The following DSCAM variants were observed in gnomAD, a reference collection of about 807,000 sequenced individuals.
The protein encoded by DSCAM is cell adhesion molecule DSCAM.
DSCAM carries 47 observed loss-of-function variants against 217.7 expected under a neutral mutation model. The ratio of observed to expected loss-of-function variants is 0.22; its 90% confidence interval spans 0.17 to 0.28. The LOEUF (loss-of-function observed/expected upper bound fraction) is 0.28, where lower values mean the gene tolerates loss of function less well. Ranked by LOEUF, DSCAM falls within the 10% of genes least tolerant of loss-of-function variation. The pLI is 1.00. For missense variants in DSCAM, 2,080 were observed against 2,618.3 expected, an observed-to-expected ratio of 0.79 and a Z score of 4.49; for synonymous variants, 1,056 against 1,015.3, an observed-to-expected ratio of 1.04 and a Z score of -0.76.
chr21:40,067,718 C>T (rs1204636757), intron 27 of DSCAM, among the ~76,000 whole-genome samples: 1 of 61,980 alleles, frequency 1.6e-5, no homozygotes, highest in African/African-American at 8.6e-5. Flanking sequence ...CCCCTCCCCT[C>T]CCCTCATTCC....
At chr21:40,558,425 G>A (rs539083481) in intron 3 of DSCAM, among the ~76,000 whole-genome samples, 111 of 150,874 alleles carry the variant, frequency 7.4e-4, no homozygotes, top group Non-Finnish European at 1.3e-3. Context: ...TCCAGCCTGG[G>A]CGACAGAGCA....
intron 18 of DSCAM, 127 bp downstream of exon 18, chr21:40,142,431 G>T: frequency 1.0e-6 from 1 of 1,003,008 alleles, no homozygotes; most frequent in African/African-American, 1.6e-5. Flanking sequence ...CAGAAAAGGG[G>T]AAAGTGTCTA....
At position 40,846,662 on chromosome 21, in the gene DSCAM, GCCCCTGCCGCT is replaced by G; in HGVS notation, c.-12_-2del. On this transcript the variant is annotated 5_prime_UTR_variant, in exon 1 of 33. Coordinates refer to ENST00000400454, the MANE Select transcript of DSCAM (RefSeq NM_001389.5). The stretch of plus-strand genomic sequence containing the variant: ...ACAAGGAGAGAGCCAGTATCCACAT[GCCCCTGCCGCT>G]CCCCGGCCTCCCGCGAGCGACGCGC... The G allele has an allele frequency of 8.2e-7, 1 of 1,217,496 alleles. No individual in the cohort carries two copies. Among genetic ancestry groups the G allele is most frequent in the Non-Finnish European group, 1.0e-6 (1 of 967,820 alleles). The allele number at this position is 1,217,496 out of a possible 1,614,324, so 75.4% of individuals were successfully genotyped here.
chr21:40,242,684 T>A (rs2024251298), intron 11 of DSCAM, among the ~76,000 whole-genome samples: 2 of 152,222 alleles, frequency 1.3e-5, no homozygotes, highest in African/African-American at 4.8e-5. Context: ...TTATTGACAC[T>A]GTGACATGCA....
chr21:40,093,804 T>C lies in DSCAM; in HGVS notation c.3767A>G (p.Gln1256Arg). Residue 1256 changes from glutamine to arginine, a missense_variant, in exon 21 of 33, where the codon CAG becomes CGG. Around this residue, in one of 5 missense-constraint regions of DSCAM, gnomAD observed 1,144 missense variants for 1,421.1 expected, o/e 0.81. Coordinates refer to ENST00000400454, the MANE Select transcript of DSCAM (RefSeq NM_001389.5). The part of the protein sequence containing the change: ...YRIPNLSRNR[Q>R]YSVWVVAVTS... The stretch of plus-strand genomic sequence containing the variant: ...AACAGCCACCACCCAGACGCTGTAC[T>C]GACGATTCCTACTCAGGTTGGGAAT... 1 of 1,614,048 alleles carries C rather than the reference T, an allele frequency of 6.2e-7. No individual in the cohort carries two copies. Among genetic ancestry groups the C allele is most frequent in the Non-Finnish European group, 8.5e-7 (1 of 1,180,008 alleles).
chr21:40,454,539 A>T (rs1244387720), intron 3 of DSCAM, among the ~76,000 whole-genome samples: 1 of 152,216 alleles, frequency 6.6e-6, no homozygotes, highest in African/African-American at 2.4e-5. Flanking sequence ...ATCCTTCTAG[A>T]ATGAAGAGGA....
chr21:40,276,049 G>C (rs757269507), intron 11 of DSCAM, 48 bp downstream of exon 11: 5 of 1,479,382 alleles, frequency 3.4e-6, no homozygotes, highest in Non-Finnish European at 3.6e-6. Flanking sequence ...AGCCCCCAGA[G>C]ACCTATGTAT....
intron 1 of DSCAM, among the ~76,000 whole-genome samples, chr21:40,832,244 A>T (rs190518610): frequency 6.6e-6 from 1 of 152,330 alleles, no homozygotes; most frequent in Admixed American, 6.5e-5. Context: ...TCTAGTAATA[A>T]ATCATAAATT....
intron 3 of DSCAM, among the ~76,000 whole-genome samples, chr21:40,594,445 A>G (rs1329562524): frequency 6.6e-6 from 1 of 152,214 alleles, no homozygotes; most frequent in Non-Finnish European, 1.5e-5. Flanking sequence ...CTTGGGCAAG[A>G]TACTTGTATT....
rs191245477 is a variant in DSCAM, at chr21:40,460,482, C to T, written c.509-91237G>A. Among the ~76,000 whole-genome samples, 4 of 152,092 alleles carry T rather than the reference C, an allele frequency of 2.6e-5. No individual in the cohort carries two copies. The East Asian group carries it at 7.7e-4, about 29-fold the overall frequency. On this transcript the variant is annotated intron_variant, in intron 3 of 32. Coordinates refer to ENST00000400454, the MANE Select transcript of DSCAM (RefSeq NM_001389.5). ...TATGATTCCATAAACAACTTAGAAA[C>T]TTAACCACATAAAAAATAATTATTT...
chr21:40,354,164 G>C (rs1292595535), intron 4 of DSCAM, among the ~76,000 whole-genome samples: 1 of 152,108 alleles, frequency 6.6e-6, no homozygotes, highest in Non-Finnish European at 1.5e-5. Context: ...AATGACTATG[G>C]TTTGCAATTA....
intron 1 of DSCAM, among the ~76,000 whole-genome samples, chr21:40,815,140 G>A (rs746058904): frequency 3.3e-5 from 5 of 152,090 alleles, no homozygotes; most frequent in African/African-American, 9.7e-5. Context: ...CAACCTTCAG[G>A]TCATTGCCAT....
At chr21:40,230,122 T>C (rs572046616) in intron 11 of DSCAM, among the ~76,000 whole-genome samples, 196 of 152,374 alleles carry the variant, frequency 1.3e-3, no homozygotes, top group African/African-American at 4.5e-3. Context: ...CTTGTCATCA[T>C]ATGTTCATAA....
intron 16 of DSCAM, among the ~76,000 whole-genome samples, chr21:40,161,173 G>A (rs74633220): frequency 0.013 from 1,980 of 152,206 alleles, 40 homozygotes; most frequent in African/African-American, 0.046. Context: ...GAGACCTGCC[G>A]GACCCTTTGT....
chr21:40,244,978 A>G (rs948898199), intron 11 of DSCAM, among the ~76,000 whole-genome samples: 1 of 149,932 alleles, frequency 6.7e-6, no homozygotes, highest in Non-Finnish European at 1.5e-5. Flanking sequence ...GGCACTGGGA[A>G]TCTACAGGAA....
chr21:40,287,038 G>A (rs2073836401), intron 10 of DSCAM, among the ~76,000 whole-genome samples: 1 of 151,756 alleles, frequency 6.6e-6, no homozygotes, highest in Non-Finnish European at 1.5e-5. Context: ...GATCTGCAGT[G>A]TGATCACAGT....
intron 2 of DSCAM, among the ~76,000 whole-genome samples, chr21:40,703,217 C>CAT (rs1220241843): frequency 1.3e-5 from 2 of 152,108 alleles, no homozygotes; most frequent in African/African-American, 4.8e-5. Context: ...AGAAAGCCTT[C>CAT]ATCTCACCAT....
chr21:40,357,245 C>T lies in DSCAM; in HGVS notation c.656-3502G>A, dbSNP rs527633734. On this transcript the variant is annotated intron_variant, in intron 4 of 32. Coordinates refer to ENST00000400454, the MANE Select transcript of DSCAM (RefSeq NM_001389.5). The stretch of plus-strand genomic sequence containing the variant: ...ACCTGCTTCTAAAGGAAATTACAAA[C>T]GGACTTTGAAAAGTATTGGTTTGAA... Among the ~76,000 whole-genome samples, 506 of 152,258 alleles carry T rather than the reference C, an allele frequency of 3.3e-3. 2 individuals are homozygous for T. The highest frequency in any genetic ancestry group is 0.011 in the African/African-American group (447 of 41,544).
intron 16 of DSCAM, among the ~76,000 whole-genome samples, chr21:40,154,967 T>C (rs1238880257): frequency 6.6e-6 from 1 of 152,136 alleles, no homozygotes; most frequent in Non-Finnish European, 1.5e-5. Flanking sequence ...ATGCTAGAAA[T>C]AGATTGATAA....
Sources: gnomAD v4.1 joint callset for allele counts (sites outside exome capture counted in the v4.1 genomes callset) on GRCh38, gnomAD v4.1.1 for gene constraint, gnomAD v4.1.1 regional missense constraint, MANE v1.5 for transcripts, NCBI Gene and HGNC (gene_info 2026-07-23, HGNC 2026-07-21) for gene names.